The following NFIA variants were observed in gnomAD, a reference collection of about 807,000 sequenced individuals.
NFIA encodes the protein nuclear factor 1 A-type.
In NFIA, 8 loss-of-function variants were observed where a neutral mutation model predicts 62.8. The observed-to-expected ratio is 0.13, with a 90% CI of 0.07 to 0.23. NFIA has a LOEUF of 0.23. NFIA is among the 10% of genes least tolerant of loss of function. The pLI, the probability that NFIA is intolerant of heterozygous loss-of-function variation, is 1.00. For synonymous variants in NFIA, 235 were observed against 238.1 expected (o/e 0.99, Z 0.12); for missense variants, 410 against 642.1 (o/e 0.64, Z 3.91).
At chr1:61,225,553 C>CTTTTT (rs71244590) in intron 2 of NFIA, among the ~76,000 whole-genome samples, 1 of 122,592 alleles carries the variant, frequency 8.2e-6, no homozygotes. Context: ...CCAGCTCGTA[C>CTTTTT]TTTTTTTTTT....
intron 9 of NFIA, among the ~76,000 whole-genome samples, chr1:61,408,602 C>T (rs1176330981): frequency 6.6e-6 from 1 of 152,156 alleles, no homozygotes; most frequent in African/African-American, 2.4e-5. Flanking sequence ...TCCGTGGAAA[C>T]AGATCCTCAC....
chr1:61,355,290 C>G (rs1662873279), intron 5 of NFIA, among the ~76,000 whole-genome samples: 1 of 151,774 alleles, frequency 6.6e-6, no homozygotes, highest in Admixed American at 6.6e-5. Context: ...AGCAAGAAAC[C>G]AAAATCAATG....
intron 6 of NFIA, among the ~76,000 whole-genome samples, chr1:61,367,809 A>T (rs1470136767): frequency 6.6e-6 from 1 of 151,666 alleles, no homozygotes; most frequent in Non-Finnish European, 1.5e-5. Context: ...ACACACATAT[A>T]CTCTGTGTAT....
At chr1:61,415,206 T>G (rs923188336) in intron 9 of NFIA, among the ~76,000 whole-genome samples, 1 of 152,118 alleles carries the variant, frequency 6.6e-6, no homozygotes, top group Non-Finnish European at 1.5e-5. Flanking sequence ...AAAATAATGT[T>G]TCTTACATCA....
intron 2 of NFIA, among the ~76,000 whole-genome samples, chr1:61,240,971 T>G (rs1017820572): frequency 7.8e-6 from 1 of 127,586 alleles, no homozygotes; most frequent in Non-Finnish European, 1.8e-5. Flanking sequence ...TTGGGGTTTG[T>G]TTTTTTTTTT....
intron 4 of NFIA, among the ~76,000 whole-genome samples, chr1:61,338,236 G>A (rs1661719468): frequency 6.6e-6 from 1 of 152,206 alleles, no homozygotes; most frequent in South Asian, 2.1e-4. Context: ...TTTGGTTCCT[G>A]TTGCAGTGCT....
chr1:61,112,599 T>C (rs896415429), intron 2 of NFIA, among the ~76,000 whole-genome samples: 1 of 152,212 alleles, frequency 6.6e-6, no homozygotes, highest in Non-Finnish European at 1.5e-5. Flanking sequence ...AGGTAGTTTT[T>C]ACCCAGATCT....
At chr1:61,381,261 G>T (rs10489910) in intron 6 of NFIA, among the ~76,000 whole-genome samples, 9 of 152,076 alleles carry the variant, frequency 5.9e-5, no homozygotes, top group Non-Finnish European at 7.4e-5. Flanking sequence ...GTTTAAATGA[G>T]TTGGGAGATT....
At chr1:61,369,929 A>C (rs997374608) in intron 6 of NFIA, among the ~76,000 whole-genome samples, 5 of 152,154 alleles carry the variant, frequency 3.3e-5, no homozygotes, top group African/African-American at 1.2e-4. Context: ...TTAAACGTTA[A>C]ATAACCTAAT....
At position 61,205,068 on chromosome 1, in the gene NFIA, A is replaced by T. The variant is rs558523134; in HGVS notation, c.560-72452A>T. Among the ~76,000 whole-genome samples the T allele has an allele frequency of 7.2e-5, 11 of 152,270 alleles. No homozygotes were observed. In the East Asian group the frequency reaches 1.7e-3, roughly 24 times the overall value. ...CAATTATAAATTCATTTTCACTATC[A>T]ATTAGGTACTTAATGGCTATCCTAT... On this transcript the variant is annotated intron_variant, in intron 2 of 10. Coordinates refer to ENST00000403491, the MANE Select transcript of NFIA (RefSeq NM_001134673.4).
intron 3 of NFIA, among the ~76,000 whole-genome samples, chr1:61,299,396 A>G (rs1659371382): frequency 6.6e-6 from 1 of 152,216 alleles, no homozygotes; most frequent in Non-Finnish European, 1.5e-5. Flanking sequence ...TTATGTTTCC[A>G]AAATGAGGCC....
At chr1:61,227,387 A>G (rs144250067) in intron 2 of NFIA, among the ~76,000 whole-genome samples, 16 of 152,368 alleles carry the variant, frequency 1.1e-4, no homozygotes, top group Non-Finnish European at 1.9e-4. Context: ...AATCTAGGTC[A>G]GGAATCATGC....
chr1:61,131,510 A>G (rs1557587095), intron 2 of NFIA, among the ~76,000 whole-genome samples: 2 of 152,146 alleles, frequency 1.3e-5, no homozygotes, highest in African/African-American at 2.4e-5. Context: ...CCTAATGTCT[A>G]AGCTACAGAC....
At chr1:61,277,646 C>A in intron 3 of NFIA, 61 bp downstream of exon 3, 1 of 1,571,300 alleles carries the variant, frequency 6.4e-7, no homozygotes, top group Non-Finnish European at 8.8e-7. Context: ...AGCAGGCCGA[C>A]TAAGTGTGAG....
At chr1:61,352,884 A>C (rs1344446412) in intron 5 of NFIA, among the ~76,000 whole-genome samples, 1 of 152,100 alleles carries the variant, frequency 6.6e-6, no homozygotes, top group African/African-American at 2.4e-5. Flanking sequence ...CCAGCTCTAA[A>C]TGTTGGTTAG....
chr1:61,434,212 A>G (rs754181276), intron 10 of NFIA, among the ~76,000 whole-genome samples: 30 of 152,162 alleles, frequency 2.0e-4, no homozygotes, highest in South Asian at 4.1e-4. Flanking sequence ...CTCAGAATCT[A>G]AAGGGAAAGG....
chr1:61,260,803 A>G (rs1656721008), intron 2 of NFIA, among the ~76,000 whole-genome samples: 1 of 152,074 alleles, frequency 6.6e-6, no homozygotes. Flanking sequence ...GATGGTCTCG[A>G]TCTCCTGACC....
At chr1:61,081,798 G>C (rs1646098758), upstream of NFIA, 3 of 1,398,146 alleles carry the variant, frequency 2.1e-6, no homozygotes, top group East Asian at 7.7e-5. Flanking sequence ...AAGTTTGCAG[G>C]ATTGTGTGCA....
intron 10 of NFIA, among the ~76,000 whole-genome samples, chr1:61,430,437 C>T (rs954397418): frequency 1.3e-5 from 2 of 152,206 alleles, no homozygotes; most frequent in South Asian, 4.1e-4. Context: ...TGTTTCTGTG[C>T]ATACAAATAT....
Sources: gnomAD v4.1 joint callset for allele counts (sites outside exome capture counted in the v4.1 genomes callset) on GRCh38, gnomAD v4.1.1 for gene constraint, MANE v1.5 for transcripts, NCBI Gene and HGNC (gene_info 2026-07-23, HGNC 2026-07-21) for gene names.